OR1L3: variants seen among roughly 807,000 people sequenced by gnomAD.
The protein encoded by OR1L3 is olfactory receptor 1L3.
For missense variants in OR1L3, 374 were observed against 386.4 expected (o/e 0.97, Z 0.27); for synonymous variants, 137 against 144.5 (o/e 0.95, Z 0.37).
rs1301675175 is a variant in OR1L3 at position 122,675,546 on chromosome 9, A to C, written c.417A>C (p.Arg139Ser). 1 of 1,614,066 alleles carries C rather than the reference A, an allele frequency of 6.2e-7. No individual in the cohort carries two copies. The highest frequency in any genetic ancestry group is 1.3e-5 in the African/African-American group (1 of 74,930). ...PFHYVTVMNRRCCVLLLAFPI... is the reference protein window; with the variant it reads ...PFHYVTVMNRSCCVLLLAFPI... Reference sequence around the variant, plus strand: ...ATTATGTCACTGTTATGAACCGCAGATGCTGTGTGTTGCTACTAGCATTCC... The same window carrying C: ...ATTATGTCACTGTTATGAACCGCAGCTGCTGTGTGTTGCTACTAGCATTCC... The change falls in exon 1 of 1, where the codon AGA (arginine) becomes AGC (serine). Residue 139 changes from arginine to serine, a missense_variant. Transcript: ENST00000304820.
At position 122,675,188 on chromosome 9, in the gene OR1L3, G is replaced by C. The variant is rs769784485; in HGVS notation, c.59G>C (p.Arg20Pro). The C allele has an allele frequency of 6.2e-7, 1 of 1,613,778 alleles. No homozygotes were observed. Among genetic ancestry groups the C allele is most frequent in the South Asian group, 1.1e-5 (1 of 90,974 alleles). ...TTTATTCTCTTGGGACTCTCCTCTCGGTCTGAAGACCAGAGGCCACTCTTT... is the reference window on the plus strand; with the variant it reads ...TTTATTCTCTTGGGACTCTCCTCTCCGTCTGAAGACCAGAGGCCACTCTTT... Reference protein sequence around the residue: ...SEFILLGLSSRSEDQRPLFAL... With the variant: ...SEFILLGLSSPSEDQRPLFAL... Residue 20 changes from arginine (R) to proline (P), a missense_variant, in exon 1 of 1, where the codon CGG becomes CCG. Transcript: ENST00000304820.
In OR1L3 at chr9:122,675,353, C is replaced by G. The variant is rs372085770; in HGVS notation, c.224C>G (p.Thr75Arg). 141 of 1,614,118 alleles carry G rather than the reference C, an allele frequency of 8.7e-5. No homozygotes were observed. Among genetic ancestry groups the G allele is most frequent in the Middle Eastern group, 4.9e-4 (3 of 6,084 alleles). Residue 75 changes from threonine (T) to arginine (R), a missense_variant, in exon 1 of 1, where the codon ACA becomes AGA. Physicochemically the swap from Thr to Arg is moderately conservative, Grantham distance 71 (BLOSUM62 -1). Transcript: ENST00000304820. ...ILSFADICYT[T>R]VIVPKMLVNF... ...TCCTTTGCTGATATTTGCTACACAA[C>G]AGTCATAGTCCCAAAGATGCTCGTG...
rs770861361 is a variant in OR1L3 at position 122,675,324 on chromosome 9, C to T, written c.195C>T (p.Ile65=). 3.1e-6 allele frequency: 5 copies of T among 1,614,072 alleles called. No individual in the cohort carries two copies. In the Admixed American group the frequency reaches 5.0e-5, roughly 16 times the overall value. ...LQNPMYFFLS[I]LSFADICYTT... ...ACCCTATGTATTTTTTCCTAAGCAT[C>T]TTGTCCTTTGCTGATATTTGCTACA... The change falls in exon 1 of 1, where the codon ATC becomes ATT. Residue 65 remains isoleucine (I), a synonymous_variant. Coordinates refer to ENST00000304820, the MANE Select transcript of OR1L3 (RefSeq NM_001005234.1).
chr9:122,675,950 C>A lies in OR1L3; in HGVS notation c.821C>A (p.Thr274Lys), dbSNP rs761547196. The A allele has an allele frequency of 2.5e-6, 4 of 1,614,166 alleles. No individual in the cohort carries two copies. The highest frequency in any genetic ancestry group is 3.4e-6 in the Non-Finnish European group (4 of 1,180,030). The change falls in exon 1 of 1, where the codon ACA (threonine) becomes AAA (lysine). Residue 274 changes from threonine to lysine, a missense_variant. Coordinates refer to ENST00000304820, the MANE Select transcript of OR1L3 (RefSeq NM_001005234.1). Reference protein sequence around the residue: ...SSYTVKDRIATINYTVLTSVL... With the variant: ...SSYTVKDRIAKINYTVLTSVL... ...TATACTGTCAAGGACCGAATAGCAACAATCAACTACACTGTGTTGACATCA... is the reference window on the plus strand; with the variant it reads ...TATACTGTCAAGGACCGAATAGCAAAAATCAACTACACTGTGTTGACATCA...
At position 122,675,266 on chromosome 9, in the gene OR1L3, T is replaced by G; in HGVS notation, c.137T>G (p.Ile46Ser). The G allele has an allele frequency of 1.2e-6, 2 of 1,614,212 alleles. No individual in the cohort carries two copies. Among genetic ancestry groups the G allele is most frequent in the Non-Finnish European group, 1.7e-6 (2 of 1,180,042 alleles). The part of the protein sequence containing the change: ...LVTLMGNLLI[I>S]LAIHSDPRLQ... ...ACTTTGATGGGAAATCTGCTCATCA[T>G]CTTGGCTATCCACTCTGATCCTCGA... Residue 46 changes from isoleucine (I) to serine (S), a missense_variant, in exon 1 of 1, where the codon ATC (isoleucine) becomes AGC (serine). Coordinates refer to ENST00000304820, the MANE Select transcript of OR1L3 (RefSeq NM_001005234.1).
chr9:122,675,729 G>A lies in OR1L3; in HGVS notation c.600G>A (p.Met200Ile). 1 of 1,614,150 alleles carries A rather than the reference G, an allele frequency of 6.2e-7. No individual in the cohort carries two copies. Among genetic ancestry groups the A allele is most frequent in the Non-Finnish European group, 8.5e-7 (1 of 1,180,030 alleles). ...CCTTTGTCAATGAAATTGTGGCCAT[G>A]ACAGAAGGGCTGGCCTCTGTGATGG... ...SSTFVNEIVA[M>I]TEGLASVMAP... is the part of the protein sequence containing the mutation. Residue 200 changes from methionine to isoleucine, a missense_variant, in exon 1 of 1, where the codon ATG (methionine) becomes ATA (isoleucine). Physicochemically the swap from Met to Ile is conservative, Grantham distance 10. Coordinates refer to ENST00000304820, the MANE Select transcript of OR1L3 (RefSeq NM_001005234.1).
At position 122,675,256 on chromosome 9, in the gene OR1L3, C is replaced by G. The variant is rs199987024; in HGVS notation, c.127C>G (p.Leu43Val). 259 of 1,614,068 alleles carry G rather than the reference C, an allele frequency of 1.6e-4. No individual in the cohort carries two copies. Among genetic ancestry groups the G allele is most frequent in the Non-Finnish European group, 2.0e-4 (240 of 1,180,046 alleles). Residue 43 changes from leucine (L) to valine (V), a missense_variant, in exon 1 of 1, where the codon CTG becomes GTG. By Grantham distance (32) the Leu-to-Val change is conservative. Coordinates refer to ENST00000304820, the MANE Select transcript of OR1L3 (RefSeq NM_001005234.1). ...ATACCTGGTCACTTTGATGGGAAAT[C>G]TGCTCATCATCTTGGCTATCCACTC... is the stretch of plus-strand genomic sequence containing the variant. ...IIYLVTLMGN[L>V]LIILAIHSDP...
In OR1L3 at chr9:122,675,775, A is replaced by G; in HGVS notation, c.646A>G (p.Ile216Val). 6.2e-7 allele frequency: 1 copy of G among 1,614,116 alleles called. No homozygotes were observed. The highest frequency in any genetic ancestry group is 8.5e-7 in the Non-Finnish European group (1 of 1,180,030). The change falls in exon 1 of 1, where the codon ATC becomes GTC. Residue 216 changes from isoleucine (I) to valine (V), a missense_variant. Physicochemically the swap from Ile to Val is conservative, Grantham distance 29. Coordinates refer to ENST00000304820, the MANE Select transcript of OR1L3 (RefSeq NM_001005234.1). ...SVMAPFVCII[I>V]SYLRILIAVL... The stretch of plus-strand genomic sequence containing the variant: ...GATGGCTCCATTTGTCTGTATCATC[A>G]TCTCTTATCTAAGAATTCTCATCGC...
rs751990133 is a variant in OR1L3, at chr9:122,675,375, C to G, written c.246C>G (p.Leu82=). ...CYTTVIVPKM[L]VNFLSEKKTI... ...CAACAGTCATAGTCCCAAAGATGCTCGTGAACTTCTTATCAGAGAAAAAGA... is the reference window on the plus strand; with the variant it reads ...CAACAGTCATAGTCCCAAAGATGCTGGTGAACTTCTTATCAGAGAAAAAGA... The change falls in exon 1 of 1, where the codon CTC becomes CTG. Residue 82 remains leucine (L), a synonymous_variant. Coordinates refer to ENST00000304820, the MANE Select transcript of OR1L3 (RefSeq NM_001005234.1). The G allele has an allele frequency of 4.3e-6, 7 of 1,614,222 alleles. No homozygotes were observed. The highest frequency in any genetic ancestry group is 1.1e-5 in the South Asian group (1 of 91,088).
Position 122,675,418 on chromosome 9 carries a change from T to C in OR1L3, c.289T>C (p.Cys97Arg), listed in dbSNP as rs757199858. ...GAAAAAGACCATTTCCTATGCTGAA[T>C]GTCTGGCACAGATGTATTTCTTCCT... Reference protein sequence around the residue: ...SEKKTISYAECLAQMYFFLVF... With the variant: ...SEKKTISYAERLAQMYFFLVF... The change falls in exon 1 of 1, where the codon TGT (cysteine) becomes CGT (arginine). Residue 97 changes from cysteine to arginine, a missense_variant. Transcript: ENST00000304820. 1 of 1,614,242 alleles carries C rather than the reference T, an allele frequency of 6.2e-7. No homozygotes were observed. The highest frequency in any genetic ancestry group is 8.5e-7 in the Non-Finnish European group (1 of 1,180,048).
rs1201543580 is a variant in OR1L3, at chr9:122,675,788, G to A, written c.659G>A (p.Arg220Lys). 1.9e-6 allele frequency: 3 copies of A among 1,613,996 alleles called. No individual in the cohort carries two copies. The highest frequency in any genetic ancestry group is 1.7e-6 in the Non-Finnish European group (2 of 1,180,028). Residue 220 changes from arginine (R) to lysine (K), a missense_variant, in exon 1 of 1, where the codon AGA becomes AAA. Transcript: ENST00000304820. ...PFVCIIISYL[R>K]ILIAVLKIPS... Reference sequence around the variant, plus strand: ...GTCTGTATCATCATCTCTTATCTAAGAATTCTCATCGCTGTTCTCAAGATT... The same window carrying A: ...GTCTGTATCATCATCTCTTATCTAAAAATTCTCATCGCTGTTCTCAAGATT...
Position 122,675,282 on chromosome 9 carries a change from T to C in OR1L3, c.153T>C (p.Ser51=). ...GNLLIILAIH[S]DPRLQNPMYF... is the part of the protein sequence containing the mutation. The stretch of plus-strand genomic sequence containing the variant: ...TGCTCATCATCTTGGCTATCCACTC[T>C]GATCCTCGACTTCAAAACCCTATGT... Residue 51 remains serine, a synonymous_variant, in exon 1 of 1, where the codon TCT becomes TCC. Transcript: ENST00000304820. 6.2e-7 allele frequency: 1 copy of C among 1,614,242 alleles called. No individual in the cohort carries two copies. Among genetic ancestry groups the C allele is most frequent in the South Asian group, 1.1e-5 (1 of 91,086 alleles).
rs761996558 is a variant in OR1L3, at chr9:122,675,583, T to G, written c.454T>G (p.Ser152Ala). 1.2e-6 allele frequency: 2 copies of G among 1,614,202 alleles called. No homozygotes were observed. The highest frequency in any genetic ancestry group is 2.2e-5 in the South Asian group (2 of 91,084). The change falls in exon 1 of 1, where the codon TCC becomes GCC. Residue 152 changes from serine (S) to alanine (A), a missense_variant. Coordinates refer to ENST00000304820, the MANE Select transcript of OR1L3 (RefSeq NM_001005234.1). The stretch of plus-strand genomic sequence containing the variant: ...GCTACTAGCATTCCCCATCACTTTC[T>G]CCTATTTCCACTCTCTCCTACATGT... ...VLLLAFPITF[S>A]YFHSLLHVLL...
chr9:122,675,155 T>C lies in OR1L3; in HGVS notation c.26T>C (p.Leu9Pro). 1 of 1,609,722 alleles carries C rather than the reference T, an allele frequency of 6.2e-7. No individual in the cohort carries two copies. The highest frequency in any genetic ancestry group is 8.5e-7 in the Non-Finnish European group (1 of 1,178,286). The change falls in exon 1 of 1, where the codon CTC becomes CCC. Residue 9 changes from leucine to proline, a missense_variant. Transcript: ENST00000304820. ...ATGGGAATGTCCAACCTGACAAGAC[T>C]CTCTGAATTTATTCTCTTGGGACTC... MGMSNLTR[L>P]SEFILLGLSS...
In OR1L3 at chr9:122,675,404, T is replaced by C. The variant is rs1263897666; in HGVS notation, c.275T>C (p.Ile92Thr). 6.2e-7 allele frequency: 1 copy of C among 1,614,226 alleles called. No homozygotes were observed. Residue 92 changes from isoleucine to threonine, a missense_variant, in exon 1 of 1, where the codon ATT becomes ACT. By Grantham distance (89) the Ile-to-Thr change is moderately conservative. Coordinates refer to ENST00000304820, the MANE Select transcript of OR1L3 (RefSeq NM_001005234.1). Reference sequence around the variant, plus strand: ...AACTTCTTATCAGAGAAAAAGACCATTTCCTATGCTGAATGTCTGGCACAG... The same window carrying C: ...AACTTCTTATCAGAGAAAAAGACCACTTCCTATGCTGAATGTCTGGCACAG... ...LVNFLSEKKTISYAECLAQMY... is the reference protein window; with the variant it reads ...LVNFLSEKKTTSYAECLAQMY...
At position 122,675,279 on chromosome 9, in the gene OR1L3, C is replaced by T; in HGVS notation, c.150C>T (p.His50=). 1 of 1,614,218 alleles carries T rather than the reference C, an allele frequency of 6.2e-7. No individual in the cohort carries two copies. The change falls in exon 1 of 1, where the codon CAC becomes CAT. Residue 50 remains histidine, a synonymous_variant. Coordinates refer to ENST00000304820, the MANE Select transcript of OR1L3 (RefSeq NM_001005234.1). The part of the protein sequence containing the change: ...MGNLLIILAI[H]SDPRLQNPMY... Reference sequence around the variant, plus strand: ...ATCTGCTCATCATCTTGGCTATCCACTCTGATCCTCGACTTCAAAACCCTA... The same window carrying T: ...ATCTGCTCATCATCTTGGCTATCCATTCTGATCCTCGACTTCAAAACCCTA...
chr9:122,675,503 C>A lies in OR1L3; in HGVS notation c.374C>A (p.Ala125Asp), dbSNP rs1321110634. The A allele has an allele frequency of 1.2e-6, 2 of 1,614,222 alleles. No individual in the cohort carries two copies. Among genetic ancestry groups the A allele is most frequent in the Admixed American group, 3.3e-5 (2 of 60,024 alleles). Reference protein sequence around the residue: ...LAAMAINRCVAICNPFHYVTV... With the variant: ...LAAMAINRCVDICNPFHYVTV... ...GCTATGGCCATCAACCGCTGTGTAG[C>A]CATTTGTAACCCATTCCATTATGTC... The change falls in exon 1 of 1, where the codon GCC (alanine) becomes GAC (aspartate). Residue 125 changes from alanine to aspartate, a missense_variant. Coordinates refer to ENST00000304820, the MANE Select transcript of OR1L3 (RefSeq NM_001005234.1).
Position 122,675,153 on chromosome 9 carries a change from A to G in OR1L3, c.24A>G (p.Arg8=). The G allele has an allele frequency of 6.2e-7, 1 of 1,608,716 alleles. No individual in the cohort carries two copies. Among genetic ancestry groups the G allele is most frequent in the South Asian group, 1.1e-5 (1 of 89,850 alleles). The change falls in exon 1 of 1, where the codon AGA becomes AGG. Residue 8 remains arginine (R), a synonymous_variant. Transcript: ENST00000304820. ...CCATGGGAATGTCCAACCTGACAAG[A>G]CTCTCTGAATTTATTCTCTTGGGAC... MGMSNLT[R]LSEFILLGLS...
chr9:122,675,422 T>C lies in OR1L3; in HGVS notation c.293T>C (p.Leu98Pro), dbSNP rs778754903. Reference protein sequence around the residue: ...EKKTISYAECLAQMYFFLVFG... With the variant: ...EKKTISYAECPAQMYFFLVFG... ...AAGACCATTTCCTATGCTGAATGTC[T>C]GGCACAGATGTATTTCTTCCTGGTT... Residue 98 changes from leucine to proline, a missense_variant, in exon 1 of 1, where the codon CTG (leucine) becomes CCG (proline). Leu to Pro is a moderately conservative substitution (Grantham distance 98). Coordinates refer to ENST00000304820, the MANE Select transcript of OR1L3 (RefSeq NM_001005234.1). The C allele has an allele frequency of 1.9e-5, 30 of 1,614,110 alleles. No individual in the cohort carries two copies. The highest frequency in any genetic ancestry group is 1.9e-5 in the Non-Finnish European group (22 of 1,180,048).
Sources: allele counts gnomAD v4.1 joint callset, GRCh38; gene constraint gnomAD v4.1.1; transcripts MANE v1.5; gene names NCBI Gene and HGNC (gene_info 2026-07-23, HGNC 2026-07-21).